RAB10: variants seen among roughly 807,000 people sequenced by gnomAD.
The protein encoded by RAB10 is RAB10, member RAS oncogene family.
In RAB10, 5 loss-of-function variants were observed where a neutral mutation model predicts 25.7. The ratio of observed to expected loss-of-function variants is 0.19; its 90% CI spans 0.10 to 0.41. RAB10 has a LOEUF of 0.41. Ranked by LOEUF, RAB10 falls within the 10% of genes least tolerant of loss-of-function variation. The probability of loss-of-function intolerance (pLI) is 1.00; values close to 1 mark genes in which losing one functional copy is unlikely to be tolerated. For synonymous variants in RAB10, 89 were observed against 86.4 expected (o/e 1.03, Z -0.16); for missense variants, 103 against 245.8 (o/e 0.42, Z 3.89).
At chr2:26,117,633 A>AC (rs1404410315) in intron 3 of RAB10, among the ~76,000 whole-genome samples, 6 of 145,754 alleles carry the variant, frequency 4.1e-5, no homozygotes, top group Admixed American at 2.0e-4. Context: ...AAAAAAAAAA[A>AC]AACAAAAAAA....
rs534053122 is a variant in RAB10, at chr2:26,122,891, C to T, written c.328-4253C>T. ...AATGCAGTTAAAAGTGTCCTATTCT[C>T]GGGGTGGCAGGGAGGGGGGCAGGCC... On this transcript the variant is annotated intron_variant, in intron 3 of 5. Coordinates refer to ENST00000264710, the MANE Select transcript of RAB10 (RefSeq NM_016131.5). 4.3e-4 allele frequency among the ~76,000 whole-genome samples: 66 copies of T among 151,932 alleles called. 2 individuals are homozygous for T. In the South Asian group the frequency reaches 0.013, roughly 29 times the overall value.
At chr2:26,075,920 G>T (rs969767217) in intron 1 of RAB10, among the ~76,000 whole-genome samples, 2 of 152,070 alleles carry the variant, frequency 1.3e-5, no homozygotes, top group Non-Finnish European at 2.9e-5. Flanking sequence ...GAATAGAGTT[G>T]CTGACCTGAG....
At chr2:26,120,468 A>G (rs1667780046) in intron 3 of RAB10, among the ~76,000 whole-genome samples, 1 of 152,246 alleles carries the variant, frequency 6.6e-6, no homozygotes, top group African/African-American at 2.4e-5. Context: ...GCAGGATTTT[A>G]GGAGCACCTG....
chr2:26,124,811 AT>A (rs1230576396), intron 3 of RAB10, among the ~76,000 whole-genome samples: 1 of 152,034 alleles, frequency 6.6e-6, no homozygotes, highest in Non-Finnish European at 1.5e-5. Context: ...TCTATTTTCT[AT>A]GAATTTGACT....
At chr2:26,039,719 A>G (rs1164702950) in intron 1 of RAB10, among the ~76,000 whole-genome samples, 1 of 152,066 alleles carries the variant, frequency 6.6e-6, no homozygotes, top group Non-Finnish European at 1.5e-5. Flanking sequence ...ATCAAGATTT[A>G]AAAATTGTTG....
At position 26,132,761 on chromosome 2, in the gene RAB10, A is replaced by ACCC. The variant is rs35277441; in HGVS notation, c.520-2169_520-2167dup. Among the ~76,000 whole-genome samples the ACCC allele has an allele frequency of 4.6e-3, 594 of 128,186 alleles. 4 individuals carry two copies. The highest frequency in any genetic ancestry group is 0.016 in the Middle Eastern group (4 of 254). 84.1% of individuals were successfully genotyped at this position (128,186 alleles called of 152,430 possible). A position where few individuals can be genotyped will look rare whatever the true frequency, so the allele number is the denominator to read the frequency against. The stretch of plus-strand genomic sequence containing the variant: ...TAAAAGATTTTGCTCCGCAAGAGAT[A>ACCC]CCCCCCCCCCTTTTTTTTAAATCTG... On this transcript the variant is annotated intron_variant, in intron 5 of 5. Transcript: ENST00000264710.
intron 5 of RAB10, among the ~76,000 whole-genome samples, chr2:26,130,986 C>A (rs890546032): frequency 4.1e-5 from 6 of 147,688 alleles, no homozygotes; most frequent in African/African-American, 1.5e-4. Flanking sequence ...TTTCTGCTTA[C>A]TTTCTGTCTA....
intron 1 of RAB10, among the ~76,000 whole-genome samples, chr2:26,088,866 G>A (rs1292226658): frequency 2.6e-5 from 4 of 151,520 alleles, no homozygotes; most frequent in Non-Finnish European, 5.9e-5. Context: ...CTCGTGATCC[G>A]CCCACCTGGG....
intron 1 of RAB10, among the ~76,000 whole-genome samples, chr2:26,089,652 A>G (rs1226144501): frequency 6.6e-6 from 1 of 152,124 alleles, no homozygotes; most frequent in African/African-American, 2.4e-5. Flanking sequence ...AAACATTTTT[A>G]GGCTTTTTCT....
chr2:26,078,711 C>G (rs145307901), intron 1 of RAB10, among the ~76,000 whole-genome samples: 100 of 151,922 alleles, frequency 6.6e-4, no homozygotes, highest in Middle Eastern at 3.4e-3. Flanking sequence ...AGGGTAGATA[C>G]GAAGAAAATC....
In RAB10 at chr2:26,038,114, G is replaced by A. The variant is rs765098538; in HGVS notation, c.127+3379G>A. Among the ~76,000 whole-genome samples the A allele has an allele frequency of 4.6e-5, 7 of 151,618 alleles. No homozygotes were observed. In the East Asian group the frequency reaches 7.7e-4, roughly 17 times the overall value. On this transcript the variant is annotated intron_variant, in intron 1 of 5. Transcript: ENST00000264710. ...TTGGCCAGGCTGGTCTCGAACTTCTGACCTCAGGTGATCTGCCCGCCTCAG... is the reference window on the plus strand; with the variant it reads ...TTGGCCAGGCTGGTCTCGAACTTCTAACCTCAGGTGATCTGCCCGCCTCAG...
intron 1 of RAB10, among the ~76,000 whole-genome samples, chr2:26,049,330 G>C (rs1574527226): frequency 6.6e-6 from 1 of 151,382 alleles, no homozygotes; most frequent in South Asian, 2.1e-4. Flanking sequence ...GATTCTGTAT[G>C]ACCTGACAGG....
At position 26,070,227 on chromosome 2, in the gene RAB10, T is replaced by C. The variant is rs7559368; in HGVS notation, c.128-28435T>C. ...CAGAGTAGAGAATTTGCTTTTGGCT[T>C]TTCTAGGACGTGTGCAGATGAGAAC... On this transcript the variant is annotated intron_variant, in intron 1 of 5. Transcript: ENST00000264710. Among the ~76,000 whole-genome samples the C allele has an allele frequency of 4.7e-4, 71 of 152,338 alleles. 2 individuals carry two copies. In the South Asian group the frequency reaches 0.013, roughly 27 times the overall value.
intron 2 of RAB10, among the ~76,000 whole-genome samples, chr2:26,108,116 T>C (rs887640580): frequency 2.0e-5 from 3 of 152,248 alleles, no homozygotes; most frequent in African/African-American, 4.8e-5. Context: ...CTTACCGTTA[T>C]ACACTTACCA....
rs1667534936 is a variant in RAB10 at position 26,109,761 on chromosome 2, A to G, written c.189-7A>G. The G allele has an allele frequency of 1.3e-6, 2 of 1,548,478 alleles. No homozygotes were observed. Among genetic ancestry groups the G allele is most frequent in the African/African-American group, 2.8e-5 (2 of 71,264 alleles). On this transcript the variant is annotated splice_region_variant and splice_polypyrimidine_tract_variant and intron_variant, in intron 2 of 5. Coordinates refer to ENST00000264710, the MANE Select transcript of RAB10 (RefSeq NM_016131.5). ...GCTTAATAGAAATTATTGGCTGTTT[A>G]TTTCAGGGATACAGCAGGCCAGGAG...
chr2:26,052,570 A>G (rs886964781), intron 1 of RAB10, among the ~76,000 whole-genome samples: 1 of 150,856 alleles, frequency 6.6e-6, no homozygotes, highest in Admixed American at 6.7e-5. Flanking sequence ...AAAGACTCAG[A>G]TCACCTGCCT....
At chr2:26,131,839 T>G (rs530639395) in intron 5 of RAB10, among the ~76,000 whole-genome samples, 1 of 152,228 alleles carries the variant, frequency 6.6e-6, no homozygotes. Context: ...GCAAAATAAT[T>G]TTACTTTTTA....
intron 2 of RAB10, among the ~76,000 whole-genome samples, chr2:26,103,979 G>C (rs1254445286): frequency 6.6e-6 from 1 of 151,780 alleles, no homozygotes; most frequent in Non-Finnish European, 1.5e-5. Context: ...TTATTTATCC[G>C]TTCATTAGTA....
At chr2:26,115,982 C>T (rs983667880) in intron 3 of RAB10, among the ~76,000 whole-genome samples, 2 of 151,758 alleles carry the variant, frequency 1.3e-5, no homozygotes, top group African/African-American at 4.8e-5. Flanking sequence ...GCCTCAGCCT[C>T]CTGAGTAGCT....
Sources: gnomAD v4.1 joint callset for allele counts (sites outside exome capture counted in the v4.1 genomes callset) on GRCh38, gnomAD v4.1.1 for gene constraint, MANE v1.5 for transcripts, NCBI Gene and HGNC (gene_info 2026-07-23, HGNC 2026-07-21) for gene names.